LRRC3B: variants seen among roughly 807,000 people sequenced by gnomAD.
LRRC3B encodes leucine rich repeat containing 3B, also known as leucine-rich repeat-containing protein 3B.
In LRRC3B, 2 loss-of-function variants were observed where a neutral mutation model predicts 12.8. The ratio of observed to expected loss-of-function variants is 0.16; its 90% CI spans 0.06 to 0.49. The LOEUF is 0.49. Among genes scored for constraint, LRRC3B ranks in the 20% least tolerant of loss-of-function variants. LRRC3B has a pLI of 0.96. For missense variants in LRRC3B, 189 were observed against 319.4 expected (o/e 0.59, Z 3.11); for synonymous variants, 132 against 122.0 (o/e 1.08, Z -0.54).
rs186503866 is a variant in LRRC3B at position 26,644,533 on chromosome 3, G to A, written c.-161+21296G>A. On this transcript the variant is annotated intron_variant, in intron 1 of 1. Coordinates refer to ENST00000396641, the Ensembl canonical transcript of LRRC3B. ...CAAAGCAACTGACCCTGGAATCTAC[G>A]AAAATGTCAGTGTCATAAAGGACAG... Among the ~76,000 whole-genome samples the A allele has an allele frequency of 4.3e-3, 660 of 152,258 alleles. 4 individuals carry two copies. The highest frequency in any genetic ancestry group is 0.015 in the African/African-American group (621 of 41,554).
Position 26,710,655 on chromosome 3 carries a change from G to A in LRRC3B, c.*203G>A, listed in dbSNP as rs117691628. On this transcript the variant is annotated 3_prime_UTR_variant, in exon 2 of 2. Coordinates refer to ENST00000396641, the Ensembl canonical transcript of LRRC3B. Reference sequence around the variant, plus strand: ...TGATCCACCCCTTAATTGTACCCCCGATGGTATATTTCTGAGTAAGCTACT... The same window carrying A: ...TGATCCACCCCTTAATTGTACCCCCAATGGTATATTTCTGAGTAAGCTACT... 774 of 491,932 alleles carry A rather than the reference G, an allele frequency of 1.6e-3. 19 individuals are homozygous for A. In the East Asian group the frequency reaches 0.02, roughly 13 times the overall value. 30.5% of individuals were successfully genotyped at this position (491,932 alleles called of 1,614,324 possible). A position where few individuals can be genotyped will look rare whatever the true frequency, so the allele number is the denominator to read the frequency against.
chr3:26,624,813 G>C (rs936127623), intron 1 of LRRC3B: 37 of 152,436 alleles, frequency 2.4e-4, no homozygotes, highest in African/African-American at 8.2e-4. Context: ...GAATGCAGGA[G>C]GGGGAGGCTC....
chr3:26,677,483 C>T (rs886831252), intron 1 of LRRC3B, among the ~76,000 whole-genome samples: 1 of 152,192 alleles, frequency 6.6e-6, no homozygotes, highest in Non-Finnish European at 1.5e-5. Context: ...CATTCTAGCC[C>T]ACATTGGAAG....
At chr3:26,671,367 TATATATAG>T (rs1206212000) in intron 1 of LRRC3B, among the ~76,000 whole-genome samples, 50 of 40,306 alleles carry the variant, frequency 1.2e-3, no homozygotes, top group East Asian at 6.0e-3. Context: ...TATATATATA[TATATATAG>T]AGAGAGAGAG....
At chr3:26,631,493 A>T (rs1470236533) in intron 1 of LRRC3B, among the ~76,000 whole-genome samples, 2 of 152,232 alleles carry the variant, frequency 1.3e-5, no homozygotes. Flanking sequence ...TTTAAAGTAG[A>T]TAATAAGGCC....
chr3:26,624,486 C>G (rs1698576870), intron 1 of LRRC3B: 1 of 152,504 alleles, frequency 6.6e-6, no homozygotes, highest in African/African-American at 2.4e-5. Context: ...AGGGGAGTCC[C>G]CAGCGCGCGG....
intron 1 of LRRC3B, among the ~76,000 whole-genome samples, chr3:26,636,605 T>G (rs919669497): frequency 1.3e-5 from 2 of 152,064 alleles, no homozygotes; most frequent in African/African-American, 2.4e-5. Context: ...TAAATCTCAT[T>G]TTTTAGTGTA....
intron 1 of LRRC3B, among the ~76,000 whole-genome samples, chr3:26,685,486 CCTCTCTCTCTCTCTCT>C (rs61229084): frequency 1.4e-4 from 7 of 49,566 alleles, no homozygotes; most frequent in South Asian, 9.3e-4. Flanking sequence ...AGACTCTCTC[CCTCTCTCTCTCTCTCT>C]CTCTCTCTCT....
intron 1 of LRRC3B, among the ~76,000 whole-genome samples, chr3:26,644,569 C>A (rs1021722080): frequency 1.3e-5 from 2 of 152,094 alleles, no homozygotes; most frequent in Non-Finnish European, 1.5e-5. Context: ...GGTAAAAAAC[C>A]ATGCTGGAGA....
chr3:26,639,620 A>G (rs913032181), intron 1 of LRRC3B, among the ~76,000 whole-genome samples: 1 of 152,184 alleles, frequency 6.6e-6, no homozygotes, highest in African/African-American at 2.4e-5. Flanking sequence ...CTCAATAGCC[A>G]CATGTGGCCA....
intron 1 of LRRC3B, among the ~76,000 whole-genome samples, chr3:26,663,512 T>TGTACCTG (rs1297047726): frequency 6.6e-6 from 1 of 152,180 alleles, no homozygotes; most frequent in Non-Finnish European, 1.5e-5. Context: ...ATTTATTAAT[T>TGTACCTG]GTACCTGGTG....
intron 1 of LRRC3B, among the ~76,000 whole-genome samples, chr3:26,690,568 G>T (rs761049250): frequency 1.3e-5 from 2 of 152,038 alleles, no homozygotes; most frequent in Non-Finnish European, 2.9e-5. Context: ...TAATTTTTCC[G>T]GGTGCTTCCC....
At chr3:26,688,940 C>T (rs1478101017) in intron 1 of LRRC3B, among the ~76,000 whole-genome samples, 1 of 152,128 alleles carries the variant, frequency 6.6e-6, no homozygotes. Flanking sequence ...TGCCTAGATT[C>T]CCAAACAGAT....
chr3:26,631,815 A>G (rs1185921746), intron 1 of LRRC3B, among the ~76,000 whole-genome samples: 1 of 151,516 alleles, frequency 6.6e-6, no homozygotes, highest in Admixed American at 6.6e-5. Flanking sequence ...GGCTGGTTAC[A>G]TCAAATGTTC....
intron 1 of LRRC3B, among the ~76,000 whole-genome samples, chr3:26,662,690 T>C (rs140083032): frequency 9.9e-5 from 15 of 152,172 alleles, no homozygotes; most frequent in Non-Finnish European, 1.8e-4. Context: ...TTGAAGAGAG[T>C]GTGGCTACTT....
chr3:26,696,201 A>G (rs1051729028), intron 1 of LRRC3B, among the ~76,000 whole-genome samples: 1 of 152,242 alleles, frequency 6.6e-6, no homozygotes, highest in African/African-American at 2.4e-5. Context: ...ACCCTGAAAA[A>G]GAAACACAAA....
intron 1 of LRRC3B, among the ~76,000 whole-genome samples, chr3:26,629,252 C>T (rs1405008465): frequency 6.6e-6 from 1 of 150,584 alleles, no homozygotes; most frequent in Non-Finnish European, 1.5e-5. Context: ...CCCTTCCTTC[C>T]TTTCTTCCTT....
At chr3:26,647,394 T>C (rs1224146884) in intron 1 of LRRC3B, among the ~76,000 whole-genome samples, 1 of 152,204 alleles carries the variant, frequency 6.6e-6, no homozygotes, top group African/African-American at 2.4e-5. Context: ...TGCCAGCACC[T>C]GGCACATACT....
At chr3:26,627,980 T>A in intron 1 of LRRC3B, among the ~76,000 whole-genome samples, 1 of 152,172 alleles carries the variant, frequency 6.6e-6, no homozygotes, top group Non-Finnish European at 1.5e-5. Context: ...CTTTGGAACC[T>A]GGGCAGACAT....
Sources: gnomAD v4.1 joint callset for allele counts (sites outside exome capture counted in the v4.1 genomes callset) on GRCh38, gnomAD v4.1.1 for gene constraint, MANE v1.5 for transcripts, NCBI Gene and HGNC (gene_info 2026-07-23, HGNC 2026-07-21) for gene names.